The following CCDC192 variants were observed in gnomAD, a reference collection of about 807,000 sequenced individuals.
CCDC192 encodes coiled-coil domain containing 192, also known as coiled-coil domain-containing protein 192.
chr5:127,821,485 A>C (rs73783985), intron 5 of CCDC192, among the ~76,000 whole-genome samples: 2,532 of 152,320 alleles, frequency 0.017, 74 homozygotes, highest in African/African-American at 0.057. Flanking sequence ...CTTTCTAAGG[A>C]TCCCATGAGT....
At chr5:127,936,371 C>T (rs1294834697) in intron 6 of CCDC192, among the ~76,000 whole-genome samples, 2 of 152,168 alleles carry the variant, frequency 1.3e-5, no homozygotes, top group Non-Finnish European at 2.9e-5. Context: ...AAGGCAAGGT[C>T]ATATTTTCTT....
chr5:127,710,928 T>C (rs1751295481), intron 2 of CCDC192, among the ~76,000 whole-genome samples: 1 of 152,206 alleles, frequency 6.6e-6, no homozygotes, highest in Admixed American at 6.5e-5. Context: ...ATCTCAACCC[T>C]ATCTATTCTT....
intron 2 of CCDC192, among the ~76,000 whole-genome samples, chr5:127,719,555 ATATACACACATACATATATATATATAC>A (rs1751875443): frequency 1.8e-4 from 3 of 16,970 alleles, no homozygotes; most frequent in Admixed American, 8.6e-4. Context: ...ATATATATAT[ATATACACACATACATATATATATATAC>A]CAAGCAGTGG....
At chr5:127,918,000 C>T (rs573853905) in intron 6 of CCDC192, among the ~76,000 whole-genome samples, 1 of 151,918 alleles carries the variant, frequency 6.6e-6, no homozygotes, top group South Asian at 2.1e-4. Flanking sequence ...CTGGGTGTGG[C>T]GATAGGCACC....
chr5:127,771,082 T>C (rs1471220994), intron 3 of CCDC192, among the ~76,000 whole-genome samples: 1 of 152,218 alleles, frequency 6.6e-6, no homozygotes, highest in Non-Finnish European at 1.5e-5. Context: ...GGACAGGTTA[T>C]ATGATCTAAT....
chr5:127,802,198 T>G (rs1385710925), intron 5 of CCDC192, among the ~76,000 whole-genome samples: 1 of 152,174 alleles, frequency 6.6e-6, no homozygotes, highest in Non-Finnish European at 1.5e-5. Flanking sequence ...AAGGCAGCAC[T>G]AAGAATGTGT....
chr5:127,878,319 A>C (rs1445139597), intron 6 of CCDC192, among the ~76,000 whole-genome samples: 2 of 152,222 alleles, frequency 1.3e-5, no homozygotes, highest in Non-Finnish European at 2.9e-5. Flanking sequence ...GGGCTGAGGA[A>C]ATAAGGTTGA....
intron 6 of CCDC192, among the ~76,000 whole-genome samples, chr5:127,918,669 G>T (rs749084562): frequency 2.6e-5 from 4 of 152,094 alleles, no homozygotes; most frequent in Non-Finnish European, 5.9e-5. Flanking sequence ...TTTTATATTG[G>T]TTCATATTTA....
chr5:127,814,596 TA>T (rs1758271482), intron 5 of CCDC192, among the ~76,000 whole-genome samples: 1 of 152,224 alleles, frequency 6.6e-6, no homozygotes, highest in Non-Finnish European at 1.5e-5. Flanking sequence ...TTGGAATAGC[TA>T]AAAGCTTAGT....
At chr5:127,937,845 C>T (rs1222636309) in intron 6 of CCDC192, among the ~76,000 whole-genome samples, 1 of 152,212 alleles carries the variant, frequency 6.6e-6, no homozygotes, top group East Asian at 1.9e-4. Context: ...CCAGTTTGAC[C>T]AGGGGTGACA....
intron 2 of CCDC192, among the ~76,000 whole-genome samples, chr5:127,714,817 C>A (rs1272237120): frequency 6.6e-6 from 1 of 152,176 alleles, no homozygotes; most frequent in African/African-American, 2.4e-5. Flanking sequence ...TCAATAATAT[C>A]CATTCTAACT....
intron 3 of CCDC192, among the ~76,000 whole-genome samples, chr5:127,756,288 T>A (rs1554072304): frequency 6.6e-6 from 1 of 152,048 alleles, no homozygotes; most frequent in Non-Finnish European, 1.5e-5. Context: ...AAAGAGTAAA[T>A]CACAGAGCCG....
At chr5:127,897,671 T>G (rs1752931636) in intron 6 of CCDC192, among the ~76,000 whole-genome samples, 1 of 152,250 alleles carries the variant, frequency 6.6e-6, no homozygotes, top group Admixed American at 6.5e-5. Flanking sequence ...TTTTTCATTT[T>G]TCCTCTTAGG....
chr5:127,881,393 CA>C (rs368822059), intron 6 of CCDC192, among the ~76,000 whole-genome samples: 1 of 152,156 alleles, frequency 6.6e-6, no homozygotes, highest in Non-Finnish European at 1.5e-5. Flanking sequence ...GAAATGTTTC[CA>C]AATAAATTAG....
At chr5:127,852,009 C>A (rs1224377300) in intron 5 of CCDC192, among the ~76,000 whole-genome samples, 2 of 152,144 alleles carry the variant, frequency 1.3e-5, no homozygotes, top group Non-Finnish European at 2.9e-5. Context: ...GTTTTATAAC[C>A]ATTCAAAATT....
chr5:127,865,104 G>A (rs1751550935), intron 5 of CCDC192, among the ~76,000 whole-genome samples: 1 of 152,072 alleles, frequency 6.6e-6, no homozygotes, highest in African/African-American at 2.4e-5. Context: ...CGGAGATCAC[G>A]ACACTGCACT....
intron 6 of CCDC192, among the ~76,000 whole-genome samples, chr5:127,922,241 T>C (rs1753742994): frequency 6.6e-6 from 1 of 152,252 alleles, no homozygotes. Flanking sequence ...TATGATTTGC[T>C]TCATTTTAAG....
intron 5 of CCDC192, among the ~76,000 whole-genome samples, chr5:127,868,527 A>G (rs1751708226): frequency 6.6e-6 from 1 of 152,210 alleles, no homozygotes; most frequent in Non-Finnish European, 1.5e-5. Context: ...GTCCATGTCT[A>G]TAAGACTTCA....
intron 5 of CCDC192, among the ~76,000 whole-genome samples, chr5:127,860,201 G>T (rs1223537282): frequency 6.6e-6 from 1 of 152,098 alleles, no homozygotes; most frequent in Non-Finnish European, 1.5e-5. Flanking sequence ...AGCTCCAAAA[G>T]AAAGGGATTA....
Sources: gnomAD v4.1 joint callset for allele counts (sites outside exome capture counted in the v4.1 genomes callset) on GRCh38, gnomAD v4.1.1 for gene constraint, MANE v1.5 for transcripts, NCBI Gene and HGNC (gene_info 2026-07-23, HGNC 2026-07-21) for gene names.